MLIP: variants seen among roughly 807,000 people sequenced by gnomAD.
MLIP encodes the protein muscular LMNA-interacting protein.
MLIP carries 79 observed loss-of-function variants against 84.8 expected under a neutral mutation model. The observed-to-expected ratio is 0.93, with a 90% CI of 0.78 to 1.12. MLIP has a LOEUF of 1.12. MLIP is among the 50% of genes most tolerant of loss of function. The probability of loss-of-function intolerance (pLI) is 0.00; values close to 1 mark genes in which losing one functional copy is unlikely to be tolerated. For missense variants in MLIP, 1,257 were observed against 1,160.6 expected (o/e 1.08, Z -1.21); for synonymous variants, 504 against 463.0 (o/e 1.09, Z -1.14).
chr6:54,186,884 A>T (rs941849064), intron 9 of MLIP, among the ~76,000 whole-genome samples: 1 of 152,308 alleles, frequency 6.6e-6, no homozygotes, highest in South Asian at 2.1e-4. Context: ...ACATGTGTGC[A>T]TCAGACCCTA....
chr6:54,052,682 T>C (rs1199194161), intron 1 of MLIP, among the ~76,000 whole-genome samples: 1 of 152,204 alleles, frequency 6.6e-6, no homozygotes, highest in Non-Finnish European at 1.5e-5. Context: ...CACTGTTTTT[T>C]TGGAGATAAA....
rs2150672542 is a variant in MLIP, at chr6:54,189,881, C to T, written c.2556C>T (p.Ser852=). Residue 852 remains serine (S), a synonymous_variant, in exon 10 of 14, where the codon TCC becomes TCT. Transcript: ENST00000502396. ...AGRETKYANL[S]SPSSTVSESQ... ...TTTATGTTTTGCAGGCAAATCTCTC[C>T]TCACCATCTTCTACAGTATCTGAGA... 2 of 1,602,802 alleles carry T rather than the reference C, an allele frequency of 1.2e-6. No individual in the cohort carries two copies. The highest frequency in any genetic ancestry group is 2.2e-5 in the East Asian group (1 of 44,686).
chr6:54,104,022 C>T (rs1768837337), intron 1 of MLIP, among the ~76,000 whole-genome samples: 2 of 151,934 alleles, frequency 1.3e-5, no homozygotes, highest in Admixed American at 6.6e-5. Context: ...TCAATTAAAC[C>T]CTCTTATATT....
chr6:54,258,149 C>T (rs889635313), intron 13 of MLIP, among the ~76,000 whole-genome samples: 26 of 151,974 alleles, frequency 1.7e-4, no homozygotes, highest in African/African-American at 6.3e-4. Flanking sequence ...GGTGAGCTCA[C>T]ACATTCATTT....
chr6:54,221,665 A>T lies in MLIP; in HGVS notation c.2719-9049A>T, dbSNP rs1439921037. ...GAGATAAGATCTGGAAAAAGTGAAA[A>T]TATATTATTGGTAAAATATTTTGTT... On this transcript the variant is annotated intron_variant, in intron 11 of 13. Coordinates refer to ENST00000502396, the MANE Select transcript of MLIP (RefSeq NM_001281747.2). 2.0e-5 allele frequency among the ~76,000 whole-genome samples: 3 copies of T among 152,058 alleles called. No individual in the cohort carries two copies. The South Asian group carries it at 6.2e-4, about 31-fold the overall frequency.
intron 1 of MLIP, among the ~76,000 whole-genome samples, chr6:54,070,080 C>T (rs1432942604): frequency 6.6e-6 from 1 of 152,094 alleles, no homozygotes; most frequent in Non-Finnish European, 1.5e-5. Context: ...TTCTCTGTTA[C>T]TTTTAGGGGT....
At chr6:54,183,340 A>G (rs1416934260) in intron 9 of MLIP, among the ~76,000 whole-genome samples, 1 of 152,170 alleles carries the variant, frequency 6.6e-6, no homozygotes, top group Non-Finnish European at 1.5e-5. Flanking sequence ...ATTCCACTAG[A>G]CTGATCATTA....
chr6:54,171,033 C>T (rs555436823), intron 9 of MLIP, among the ~76,000 whole-genome samples: 3 of 151,584 alleles, frequency 2.0e-5, no homozygotes, highest in Admixed American at 6.6e-5. Flanking sequence ...TCTACTCTTG[C>T]CTTTCAGCAA....
At chr6:54,168,446 C>T (rs1340356447) in intron 8 of MLIP, among the ~76,000 whole-genome samples, 1 of 151,844 alleles carries the variant, frequency 6.6e-6, no homozygotes, top group African/African-American at 2.4e-5. Context: ...TATTTCTACT[C>T]TTTTTCATTG....
intron 11 of MLIP, chr6:54,216,708 G>C: frequency 1.0e-6 from 1 of 985,328 alleles, no homozygotes; most frequent in Admixed American, 6.1e-5. Context: ...CAAAATATAT[G>C]TGTTGCTTTA....
chr6:54,216,884 C>T, intron 11 of MLIP: 1 of 985,250 alleles, frequency 1.0e-6, no homozygotes, highest in Non-Finnish European at 1.2e-6. Context: ...GTGATGCTGT[C>T]TGTAAAGTGT....
rs866995593 is a variant in MLIP at position 54,148,986 on chromosome 6, C to G, written c.2218-70C>G. 86 of 1,285,060 alleles carry G rather than the reference C, an allele frequency of 6.7e-5. 3 individuals are homozygous for G. The Middle Eastern group carries it at 9.1e-4, about 14-fold the overall frequency. The allele number at this position is 1,285,060 out of a possible 1,614,324, so 79.6% of individuals were successfully genotyped here. A position where few individuals can be genotyped will look rare whatever the true frequency, so the allele number is the denominator to read the frequency against. The stretch of plus-strand genomic sequence containing the variant: ...TAACGTATCATTTAACTTGGTAGAA[C>G]TGTCTGAAAATTATGTCATATTCTT... On this transcript the variant is annotated intron_variant, in intron 4 of 13. Coordinates refer to ENST00000502396, the MANE Select transcript of MLIP (RefSeq NM_001281747.2).
At chr6:54,173,972 A>T (rs1223632948) in intron 9 of MLIP, among the ~76,000 whole-genome samples, 1 of 151,872 alleles carries the variant, frequency 6.6e-6, no homozygotes, top group Non-Finnish European at 1.5e-5. Context: ...CCCACAAATA[A>T]GTGAGAACAT....
chr6:54,162,037 G>T (rs1395081663), intron 8 of MLIP, among the ~76,000 whole-genome samples: 1 of 151,814 alleles, frequency 6.6e-6, no homozygotes, highest in Non-Finnish European at 1.5e-5. Context: ...AAGGCTTACG[G>T]TGTTAAAAAA....
rs765068826 is a variant in MLIP at position 54,230,892 on chromosome 6, T to C, written c.2897T>C (p.Leu966Pro). ...LSDEQENSHT[L>P]LSHNACNKLS... ...GATGAACAGGAGAATTCTCACACCC[T>C]CCTCAGTCACAACGCATGCAACAAG... The change falls in exon 12 of 14, where the codon CTC becomes CCC. Residue 966 changes from leucine to proline, a missense_variant. Physicochemically the swap from Leu to Pro is moderately conservative, Grantham distance 98. Coordinates refer to ENST00000502396, the MANE Select transcript of MLIP (RefSeq NM_001281747.2). The C allele has an allele frequency of 1.2e-6, 2 of 1,613,892 alleles. No individual in the cohort carries two copies. Among genetic ancestry groups the C allele is most frequent in the East Asian group, 4.5e-5 (2 of 44,852 alleles).
chr6:54,215,479 A>G, intron 11 of MLIP: 1 of 982,568 alleles, frequency 1.0e-6, no homozygotes, highest in Non-Finnish European at 1.3e-6. Context: ...TTATTGCAGT[A>G]TAATTGACAA....
intron 11 of MLIP, among the ~76,000 whole-genome samples, chr6:54,206,940 A>G (rs533147311): frequency 6.6e-6 from 1 of 152,352 alleles, no homozygotes; most frequent in Non-Finnish European, 1.5e-5. Flanking sequence ...CTTCTGTCAT[A>G]AAATCATCTT....
At chr6:54,129,722 T>C (rs1771224174) in intron 3 of MLIP, among the ~76,000 whole-genome samples, 1 of 152,060 alleles carries the variant, frequency 6.6e-6, no homozygotes, top group African/African-American at 2.4e-5. Context: ...TTGCTGAAAA[T>C]TGGCACATTT....
chr6:54,133,140 G>A (rs1409011218), intron 3 of MLIP, among the ~76,000 whole-genome samples: 2 of 152,072 alleles, frequency 1.3e-5, no homozygotes, highest in Non-Finnish European at 2.9e-5. Flanking sequence ...GCAAGAGAGG[G>A]GCTTCGTCAT....
Sources: allele counts gnomAD v4.1 joint callset (sites outside exome capture counted in the v4.1 genomes callset), GRCh38; gene constraint gnomAD v4.1.1; transcripts MANE v1.5; gene names NCBI Gene and HGNC (gene_info 2026-07-23, HGNC 2026-07-21).